Variants in POLR1A observed in about 807,000 individuals in gnomAD.
The protein encoded by POLR1A is RNA polymerase I subunit A, also known as DNA-directed RNA polymerase I subunit RPA1.
Under a neutral mutation model 205.3 loss-of-function variants are expected in POLR1A, and 84 were observed. That is an observed-to-expected ratio of 0.41 (90% CI 0.34 to 0.49). The LOEUF (loss-of-function observed/expected upper bound fraction) is 0.49, where lower values mean the gene tolerates loss of function less well. Among genes scored for constraint, POLR1A ranks in the 20% least tolerant of loss-of-function variants. The pLI, the probability that POLR1A is intolerant of heterozygous loss-of-function variation, is 0.22. For synonymous variants in POLR1A, 799 were observed against 863.7 expected, an observed-to-expected ratio of 0.93 and a Z score of 1.31; for missense variants, 1,645 against 2,204.5, an observed-to-expected ratio of 0.75 and a Z score of 5.08.
intron 24 of POLR1A, among the ~76,000 whole-genome samples, chr2:86,041,390 C>CTGTGTG (rs141600019): frequency 4.0e-5 from 5 of 124,714 alleles, no homozygotes; most frequent in East Asian, 2.5e-4. Flanking sequence ...GCTACAGTGT[C>CTGTGTG]TGTGTGTGTG....
intron 16 of POLR1A, among the ~76,000 whole-genome samples, chr2:86,051,682 C>T (rs768457462): frequency 1.8e-4 from 28 of 152,370 alleles, no homozygotes; most frequent in Middle Eastern, 3.4e-3. Context: ...GGTGCAGTGT[C>T]CTCCATAAGC....
chr2:86,052,051 T>C (rs759729104), intron 16 of POLR1A, among the ~76,000 whole-genome samples: 5 of 152,100 alleles, frequency 3.3e-5, no homozygotes, highest in Non-Finnish European at 7.4e-5. Context: ...TTCAAGCAAT[T>C]CTCCCGCCTC....
chr2:86,075,307 A>G, intron 11 of POLR1A, 47 bp from the exon 12 acceptor site: 1 of 1,350,946 alleles, frequency 7.4e-7, no homozygotes, highest in Non-Finnish European at 1.0e-6. Flanking sequence ...GGATAAAAAA[A>G]GGTCTGATGG....
intron 1 of POLR1A, among the ~76,000 whole-genome samples, chr2:86,102,299 T>TA (rs1480951799): frequency 1.3e-5 from 2 of 152,222 alleles, no homozygotes; most frequent in African/African-American, 4.8e-5. Context: ...TGCCAACACT[T>TA]ACTACTTTCT....
chr2:86,039,183 G>T, intron 26 of POLR1A, 144 bp downstream of exon 26: 1 of 883,548 alleles, frequency 1.1e-6, no homozygotes, highest in Non-Finnish European at 1.8e-6. Flanking sequence ...TCTCTGCTCA[G>T]CACCTGGCAG....
intron 23 of POLR1A, 40 bp downstream of exon 23, chr2:86,042,934 G>T: frequency 6.9e-7 from 1 of 1,447,614 alleles, no homozygotes; most frequent in South Asian, 1.1e-5. Flanking sequence ...GACTAAGCCT[G>T]GACGTGCTGG....
chr2:86,048,866 A>G lies in POLR1A; in HGVS notation c.2634+18T>C. 6.2e-7 allele frequency: 1 copy of G among 1,607,206 alleles called. No individual in the cohort carries two copies. Among genetic ancestry groups the G allele is most frequent in the South Asian group, 1.1e-5 (1 of 90,892 alleles). ...CATTCATAGTGGTGGGGATAAATGCATGCAATGCTGGGCTAACCTTGTTAA... is the reference window on the plus strand; with the variant it reads ...CATTCATAGTGGTGGGGATAAATGCGTGCAATGCTGGGCTAACCTTGTTAA... On this transcript the variant is annotated intron_variant, in intron 18 of 33. Transcript: ENST00000263857.
At chr2:86,029,306 T>C (rs1189963016) in intron 31 of POLR1A, among the ~76,000 whole-genome samples, 1 of 151,270 alleles carries the variant, frequency 6.6e-6, no homozygotes, top group African/African-American at 2.4e-5. Flanking sequence ...GAAGTGTACG[T>C]GGCAGGGGGA....
chr2:86,067,286 A>G (rs181446122), intron 13 of POLR1A, among the ~76,000 whole-genome samples: 1 of 152,236 alleles, frequency 6.6e-6, no homozygotes, highest in Non-Finnish European at 1.5e-5. Context: ...GCAAAATGAC[A>G]TTACAATTAA....
chr2:86,102,709 CTT>C (rs1487123803), intron 1 of POLR1A, among the ~76,000 whole-genome samples: 1 of 152,186 alleles, frequency 6.6e-6, no homozygotes, highest in Admixed American at 6.5e-5. Context: ...GTTCCTCTCT[CTT>C]TGTAGAGGAG....
At chr2:86,031,660 G>C (rs1001797834) in intron 29 of POLR1A, 25 bp from the exon 30 acceptor site, 1 of 1,591,180 alleles carries the variant, frequency 6.3e-7, no homozygotes, top group Non-Finnish European at 8.6e-7. Flanking sequence ...AGCACAGGCT[G>C]TGTCACTTGG....
chr2:86,045,261 C>A lies in POLR1A; in HGVS notation c.2969+17G>T. Reference sequence around the variant, plus strand: ...CCCTGGCACTCTACCTCAAGGGGCACGGCAGATACATTTTACCTTTGGAGA... The same window carrying A: ...CCCTGGCACTCTACCTCAAGGGGCAAGGCAGATACATTTTACCTTTGGAGA... On this transcript the variant is annotated intron_variant, in intron 21 of 33. Transcript: ENST00000263857. The A allele has an allele frequency of 6.4e-7, 1 of 1,557,234 alleles. No individual in the cohort carries two copies.
intron 1 of POLR1A, among the ~76,000 whole-genome samples, chr2:86,100,535 C>A (rs947711025): frequency 7.3e-6 from 1 of 137,630 alleles, no homozygotes; most frequent in East Asian, 2.1e-4. Context: ...ATTATTCTGT[C>A]TTTTTTTTTT....
rs771151845 is a variant in POLR1A, at chr2:86,045,765, G to C, written c.2738C>G (p.Ser913Trp). 6.2e-7 allele frequency: 1 copy of C among 1,604,382 alleles called. No individual in the cohort carries two copies. Among genetic ancestry groups the C allele is most frequent in the Non-Finnish European group, 8.5e-7 (1 of 1,177,822 alleles). The part of the protein sequence containing the change: ...KGSTVNTMQI[S>W]CLLGQIELEG... The stretch of plus-strand genomic sequence containing the variant: ...CAGTTCAATCTGGCCCAGCAGGCAC[G>C]AGATCTGGAGGACAGGAAATCCACA... The change falls in exon 20 of 34, where the codon TCG (serine) becomes TGG (tryptophan). Residue 913 changes from serine (S) to tryptophan (W), a missense_variant. Physicochemically the swap from Ser to Trp is radical, Grantham distance 177. Transcript: ENST00000263857.
chr2:86,038,974 A>AC (rs968519658), intron 26 of POLR1A, 117 bp from the exon 27 acceptor site: 15 of 904,674 alleles, frequency 1.7e-5, no homozygotes, highest in Non-Finnish European at 2.4e-5. Flanking sequence ...CACAGGCCAA[A>AC]CCCCAAAGAA....
At chr2:86,073,869 G>T (rs150722888) in intron 12 of POLR1A, among the ~76,000 whole-genome samples, 1 of 152,318 alleles carries the variant, frequency 6.6e-6, no homozygotes, top group African/African-American at 2.4e-5. Context: ...TGAGTTAAAT[G>T]TAAGTGAAGT....
At chr2:86,035,579 C>T in intron 27 of POLR1A, among the ~76,000 whole-genome samples, 1 of 152,250 alleles carries the variant, frequency 6.6e-6, no homozygotes, top group East Asian at 1.9e-4. Context: ...CAGCCTGTCT[C>T]AACTTGTGGC....
chr2:86,105,122 G>T (rs1673900725), intron 1 of POLR1A, among the ~76,000 whole-genome samples: 1 of 152,224 alleles, frequency 6.6e-6, no homozygotes, highest in Non-Finnish European at 1.5e-5. Flanking sequence ...GAGGGAGGTA[G>T]AAGTATTTGT....
rs749358923 is a variant in POLR1A at position 86,038,759 on chromosome 2, T to C, written c.3975A>G (p.Ala1325=). The change falls in exon 27 of 34, where the codon GCA becomes GCG. Residue 1325 remains alanine (A), a synonymous_variant. Transcript: ENST00000263857. ...TCAGGCACTTCTCCTGCTGGTAATATGCATGTGGCAGGAACTGAAACCGCA... is the reference window on the plus strand; with the variant it reads ...TCAGGCACTTCTCCTGCTGGTAATACGCATGTGGCAGGAACTGAAACCGCA... ...YQLRFQFLPH[A]YYQQEKCLRP... 7 of 1,613,982 alleles carry C rather than the reference T, an allele frequency of 4.3e-6. No individual in the cohort carries two copies. Among genetic ancestry groups the C allele is most frequent in the South Asian group, 2.2e-5 (2 of 91,060 alleles).
Sources: allele counts gnomAD v4.1 joint callset (sites outside exome capture counted in the v4.1 genomes callset), GRCh38; gene constraint gnomAD v4.1.1; transcripts MANE v1.5; gene names NCBI Gene and HGNC (gene_info 2026-07-23, HGNC 2026-07-21).